Variants in RARS2 observed in about 807,000 individuals in gnomAD.
RARS2 encodes arginyl-tRNA synthetase 2, mitochondrial.
Under a neutral mutation model 88.5 loss-of-function variants are expected in RARS2, and 67 were observed. That is an observed-to-expected ratio of 0.76 (90% confidence interval 0.62 to 0.93). RARS2 has a LOEUF of 0.93. Among genes scored for constraint, RARS2 ranks in the 40% least tolerant of loss-of-function variants. RARS2 has a pLI of 0.00. For synonymous variants in RARS2, 239 were observed against 230.3 expected, an observed-to-expected ratio of 1.04 and a Z score of -0.34; for missense variants, 664 against 684.2, an observed-to-expected ratio of 0.97 and a Z score of 0.33.
chr6:87,519,149 T>C (rs1582269801), intron 14 of RARS2: 5 of 319,962 alleles, frequency 1.6e-5, no homozygotes, highest in South Asian at 1.1e-4. Context: ...ATTTTATATA[T>C]ATATATGTAT....
intron 2 of RARS2, among the ~76,000 whole-genome samples, chr6:87,565,506 T>C (rs1018624380): frequency 6.6e-6 from 1 of 152,218 alleles, no homozygotes; most frequent in Non-Finnish European, 1.5e-5. Context: ...CAAACAAATA[T>C]ATATCAGTGA....
At chr6:87,547,919 T>C (rs1783072523) in intron 6 of RARS2, among the ~76,000 whole-genome samples, 2 of 152,262 alleles carry the variant, frequency 1.3e-5, no homozygotes, top group South Asian at 4.1e-4. Flanking sequence ...GGATTACAGG[T>C]GTGAGCCACT....
intron 1 of RARS2, among the ~76,000 whole-genome samples, chr6:87,584,897 C>G (rs1285521415): frequency 6.6e-6 from 1 of 152,068 alleles, no homozygotes; most frequent in Non-Finnish European, 1.5e-5. Context: ...AAGTCAACCC[C>G]TTAGAAAAAA....
intron 4 of RARS2, among the ~76,000 whole-genome samples, chr6:87,560,285 A>T (rs946682676): frequency 4.6e-5 from 7 of 152,236 alleles, no homozygotes; most frequent in Admixed American, 1.3e-4. Context: ...TAATTTGGCA[A>T]ATTAAAAAGC....
chr6:87,572,615 T>C (rs923620477), intron 1 of RARS2, among the ~76,000 whole-genome samples: 1 of 152,058 alleles, frequency 6.6e-6, no homozygotes, highest in Admixed American at 6.6e-5. Flanking sequence ...CAGGCTGGAG[T>C]GCAGCGGCTC....
rs746862871 is a variant in RARS2, at chr6:87,589,958, G to A, written c.-1C>T. ...TAGCGCGGCGAAAGCCGCACGCCAT[G>A]TCCACCTCTACGGAAGTGCGCCGCA... On this transcript the variant is annotated 5_prime_UTR_variant, in exon 1 of 20. Coordinates refer to ENST00000369536, the MANE Select transcript of RARS2 (RefSeq NM_020320.5). 3.2e-5 allele frequency: 51 copies of A among 1,614,102 alleles called. No homozygotes were observed. The highest frequency in any genetic ancestry group is 1.6e-4 in the Middle Eastern group (1 of 6,084).
At chr6:87,548,001 G>C (rs372342558) in intron 6 of RARS2, among the ~76,000 whole-genome samples, 1 of 152,136 alleles carries the variant, frequency 6.6e-6, no homozygotes, top group African/African-American at 2.4e-5. Flanking sequence ...CATGACCGAG[G>C]TGAATTTTTA....
intron 1 of RARS2, among the ~76,000 whole-genome samples, chr6:87,582,041 A>G (rs182272128): frequency 6.6e-5 from 10 of 152,198 alleles, no homozygotes; most frequent in African/African-American, 2.2e-4. Context: ...TGTCTTTGCT[A>G]TTGTGAATAG....
chr6:87,535,267 T>C (rs1431804936), intron 8 of RARS2, among the ~76,000 whole-genome samples: 1 of 152,226 alleles, frequency 6.6e-6, no homozygotes, highest in Non-Finnish European at 1.5e-5. Flanking sequence ...TAAATATCCC[T>C]ACATATGATG....
At chr6:87,529,171 G>A (rs992143898) in intron 10 of RARS2, among the ~76,000 whole-genome samples, 3 of 152,026 alleles carry the variant, frequency 2.0e-5, no homozygotes, top group Non-Finnish European at 4.4e-5. Context: ...TTCACACACT[G>A]CCTTAAATAT....
intron 1 of RARS2, among the ~76,000 whole-genome samples, chr6:87,581,817 T>C (rs1343921797): frequency 6.6e-6 from 1 of 152,160 alleles, no homozygotes; most frequent in East Asian, 1.9e-4. Flanking sequence ...GTGTTCTCAT[T>C]GTTCAGCTCA....
intron 6 of RARS2, among the ~76,000 whole-genome samples, chr6:87,546,868 C>A (rs1782757670): frequency 1.3e-5 from 2 of 152,212 alleles, no homozygotes; most frequent in South Asian, 4.1e-4. Context: ...AAAGTCCCTG[C>A]AACTGGAACC....
chr6:87,520,128 T>C (rs888903230), intron 13 of RARS2, 52 bp downstream of exon 13: 1 of 1,465,700 alleles, frequency 6.8e-7, no homozygotes, highest in Non-Finnish European at 9.6e-7. Flanking sequence ...CTAGGTACAT[T>C]TTCAGGCTCA....
In RARS2 at chr6:87,535,671, G is replaced by GTT. The variant is rs33991266; in HGVS notation, c.613-4731_613-4730dup. Among the ~76,000 whole-genome samples the GTT allele has an allele frequency of 1.2e-3, 162 of 129,896 alleles. 2 individuals carry two copies. Among genetic ancestry groups the GTT allele is most frequent in the Non-Finnish European group, 1.7e-3 (110 of 63,026 alleles). 85.2% of individuals were successfully genotyped at this position (129,896 alleles called of 152,430 possible). ...ATACTATTTGTGTTATTATGTAACT[G>GTT]TTTTGTTTTTTTTTTTTTTTTTTGA... On this transcript the variant is annotated intron_variant, in intron 8 of 19. Coordinates refer to ENST00000369536, the MANE Select transcript of RARS2 (RefSeq NM_020320.5).
intron 8 of RARS2, among the ~76,000 whole-genome samples, chr6:87,539,603 T>G (rs1322311588): frequency 6.6e-6 from 1 of 151,574 alleles, no homozygotes; most frequent in African/African-American, 2.4e-5. Flanking sequence ...AAAGTTAAAG[T>G]TGCTAGCCAA....
At chr6:87,540,808 T>G (rs1780692929) in intron 8 of RARS2, among the ~76,000 whole-genome samples, 1 of 152,136 alleles carries the variant, frequency 6.6e-6, no homozygotes, top group African/African-American at 2.4e-5. Context: ...AGAAGCAAAG[T>G]ATCCAAGGGA....
intron 1 of RARS2, among the ~76,000 whole-genome samples, chr6:87,587,245 G>A (rs1024817162): frequency 1.3e-5 from 2 of 152,106 alleles, no homozygotes; most frequent in African/African-American, 4.8e-5. Flanking sequence ...GAGCTCCAAT[G>A]AACTCAATGA....
intron 1 of RARS2, among the ~76,000 whole-genome samples, chr6:87,573,436 G>C (rs1466236709): frequency 6.6e-6 from 1 of 152,162 alleles, no homozygotes; most frequent in African/African-American, 2.4e-5. Context: ...TGGGGACACA[G>C]AGCCAAACTA....
At chr6:87,542,419 CAAACTTTCTTTTT>C (rs1387036727) in intron 7 of RARS2, among the ~76,000 whole-genome samples, 1 of 152,106 alleles carries the variant, frequency 6.6e-6, no homozygotes, top group Non-Finnish European at 1.5e-5. Flanking sequence ...AAACTGTTTT[CAAACTTTCTTTTT>C]AAACTTGTAG....
Sources: allele counts gnomAD v4.1 joint callset (sites outside exome capture counted in the v4.1 genomes callset), GRCh38; gene constraint gnomAD v4.1.1; transcripts MANE v1.5; gene names NCBI Gene and HGNC (gene_info 2026-07-23, HGNC 2026-07-21).